TMEM132D: variants seen among roughly 807,000 people sequenced by gnomAD.
TMEM132D encodes the protein transmembrane protein 132D.
A neutral mutation model predicts 62.3 loss-of-function variants in TMEM132D; 21 were observed. The observed-to-expected ratio is 0.34, with a 90% confidence interval of 0.24 to 0.49. The LOEUF (loss-of-function observed/expected upper bound fraction) is 0.49, where lower values mean the gene tolerates loss of function less well. TMEM132D is among the 20% of genes least tolerant of loss of function. The pLI is 0.99. For missense variants in TMEM132D, 1,346 were observed against 1,402.8 expected, an observed-to-expected ratio of 0.96 and a Z score of 0.65; for synonymous variants, 621 against 575.6, an observed-to-expected ratio of 1.08 and a Z score of -1.13.
At chr12:129,394,933 A>T (rs190636017) in intron 3 of TMEM132D, among the ~76,000 whole-genome samples, 384 of 152,320 alleles carry the variant, frequency 2.5e-3, no homozygotes, top group Non-Finnish European at 4.9e-3. Flanking sequence ...TAAACACACG[A>T]ACAGTCTTTG....
chr12:129,177,028 G>A (rs1474153860), intron 5 of TMEM132D, among the ~76,000 whole-genome samples: 2 of 152,184 alleles, frequency 1.3e-5, no homozygotes, highest in Admixed American at 6.6e-5. Context: ...TTGGTGCATG[G>A]CTTGAAAATT....
Position 129,540,229 on chromosome 12 carries a change from C to CAGGT in TMEM132D, c.969-9028_969-9025dup, listed in dbSNP as rs553441970. Among the ~76,000 whole-genome samples, 43 of 152,252 alleles carry CAGGT rather than the reference C, an allele frequency of 2.8e-4. No individual in the cohort carries two copies. In the East Asian group the frequency reaches 7.7e-3, roughly 27 times the overall value. ...GGGTCCCCGAGGCCAGGCATTCCTA[C>CAGGT]AGGTGCTAGCTAGTTCATGGGAGAT... On this transcript the variant is annotated intron_variant, in intron 2 of 8. Coordinates refer to ENST00000422113, the MANE Select transcript of TMEM132D (RefSeq NM_133448.3).
intron 3 of TMEM132D, among the ~76,000 whole-genome samples, chr12:129,385,274 T>G (rs1289322525): frequency 6.6e-6 from 1 of 151,664 alleles, no homozygotes; most frequent in Non-Finnish European, 1.5e-5. Context: ...CCCAGCTAAT[T>G]TTTGTATTTT....
At chr12:129,215,102 A>G (rs1368165689) in intron 4 of TMEM132D, among the ~76,000 whole-genome samples, 1 of 152,214 alleles carries the variant, frequency 6.6e-6, no homozygotes, top group Non-Finnish European at 1.5e-5. Flanking sequence ...AATGTGATAC[A>G]TATACACCAT....
intron 1 of TMEM132D, among the ~76,000 whole-genome samples, chr12:129,842,049 G>T (rs1873210499): frequency 6.7e-6 from 1 of 148,556 alleles, no homozygotes; most frequent in South Asian, 2.1e-4. Context: ...TCCTGCCTCA[G>T]CCTCCTGAGT....
chr12:129,771,678 A>C (rs2137283311), intron 1 of TMEM132D, among the ~76,000 whole-genome samples: 1 of 152,316 alleles, frequency 6.6e-6, no homozygotes, highest in African/African-American at 2.4e-5. Context: ...CAGCGATCCA[A>C]TGCACTTGGC....
chr12:129,767,820 A>C (rs1349315788), intron 1 of TMEM132D, among the ~76,000 whole-genome samples: 4 of 152,086 alleles, frequency 2.6e-5, no homozygotes, highest in African/African-American at 9.7e-5. Context: ...AGACATAAAG[A>C]TTTACCAAGA....
At chr12:129,330,655 C>A (rs974044438) in intron 4 of TMEM132D, among the ~76,000 whole-genome samples, 6 of 152,200 alleles carry the variant, frequency 3.9e-5, no homozygotes, top group Non-Finnish European at 8.8e-5. Flanking sequence ...CCGCTCCATG[C>A]GACACCCTGC....
chr12:129,601,454 G>A (rs996722575), intron 2 of TMEM132D, among the ~76,000 whole-genome samples: 1 of 152,118 alleles, frequency 6.6e-6, no homozygotes. Flanking sequence ...TTTTCTCCAC[G>A]TTCGAAACAT....
chr12:129,526,541 C>G (rs1044250060), intron 3 of TMEM132D, among the ~76,000 whole-genome samples: 1 of 152,160 alleles, frequency 6.6e-6, no homozygotes, highest in Non-Finnish European at 1.5e-5. Context: ...CCTCAGCCTC[C>G]CAAAGTGCTG....
intron 4 of TMEM132D, among the ~76,000 whole-genome samples, chr12:129,262,178 G>A (rs1279210715): frequency 2.6e-5 from 4 of 152,124 alleles, no homozygotes; most frequent in Middle Eastern, 3.2e-3. Flanking sequence ...CAGAATATAC[G>A]TCAGTTAATT....
chr12:129,711,283 C>T (rs1251241979), intron 1 of TMEM132D, among the ~76,000 whole-genome samples: 2 of 152,242 alleles, frequency 1.3e-5, no homozygotes, highest in Non-Finnish European at 2.9e-5. Context: ...CTCTGCGTTT[C>T]ACATCTGTGT....
intron 2 of TMEM132D, among the ~76,000 whole-genome samples, chr12:129,618,555 T>C (rs889882593): frequency 2.0e-5 from 3 of 152,230 alleles, no homozygotes; most frequent in South Asian, 2.1e-4. Context: ...TACTCATTTC[T>C]ACTACAGATA....
Position 129,161,485 on chromosome 12 carries a change from G to A in TMEM132D, c.1443+48035C>T, listed in dbSNP as rs538057599. 3.7e-4 allele frequency among the ~76,000 whole-genome samples: 56 copies of A among 152,298 alleles called. No individual in the cohort carries two copies. The South Asian group carries it at 1.0e-2, about 27-fold the overall frequency. On this transcript the variant is annotated intron_variant, in intron 5 of 8. Coordinates refer to ENST00000422113, the MANE Select transcript of TMEM132D (RefSeq NM_133448.3). ...TGGGTGAAAACTTAAGATTGCAGCC[G>A]TGGGGAGATGGTGCAGGGTTGGAGT... is the stretch of plus-strand genomic sequence containing the variant.
At chr12:129,513,226 G>A (rs1875546179) in intron 3 of TMEM132D, among the ~76,000 whole-genome samples, 1 of 152,124 alleles carries the variant, frequency 6.6e-6, no homozygotes, top group African/African-American at 2.4e-5. Flanking sequence ...GTGTGAAGAG[G>A]AGAAAACTTG....
At chr12:129,626,218 A>T (rs1879209259) in intron 2 of TMEM132D, among the ~76,000 whole-genome samples, 1 of 152,212 alleles carries the variant, frequency 6.6e-6, no homozygotes, top group African/African-American at 2.4e-5. Flanking sequence ...TCCAGGAGGA[A>T]GATAAGGAAT....
At chr12:129,315,487 A>G (rs1868457396) in intron 4 of TMEM132D, among the ~76,000 whole-genome samples, 1 of 152,204 alleles carries the variant, frequency 6.6e-6, no homozygotes, top group Non-Finnish European at 1.5e-5. Flanking sequence ...CATCCTTGCT[A>G]TGAAACCCAC....
intron 5 of TMEM132D, among the ~76,000 whole-genome samples, chr12:129,102,422 C>T (rs1050114040): frequency 6.6e-6 from 1 of 151,584 alleles, no homozygotes; most frequent in Non-Finnish European, 1.5e-5. Context: ...CACGCACACT[C>T]GCACACTGGC....
rs1427762384 is a variant in TMEM132D, at chr12:129,217,507, C to T, written c.1300-7844G>A. Among the ~76,000 whole-genome samples, 3 of 152,198 alleles carry T rather than the reference C, an allele frequency of 2.0e-5. No individual in the cohort carries two copies. In the East Asian group the frequency reaches 5.8e-4, roughly 29 times the overall value. On this transcript the variant is annotated intron_variant, in intron 4 of 8. Transcript: ENST00000422113. ...ACGGAGCGCCACCTGAACCTCCAGC[C>T]TTCCCTGCCCTGTGCAAAATTGGCT...
Sources: gnomAD v4.1 joint callset for allele counts (sites outside exome capture counted in the v4.1 genomes callset) on GRCh38, gnomAD v4.1.1 for gene constraint, MANE v1.5 for transcripts, NCBI Gene and HGNC (gene_info 2026-07-23, HGNC 2026-07-21) for gene names.